Variants in C11orf65 observed in about 807,000 individuals in gnomAD.
The protein encoded by C11orf65 is protein MFI.
A neutral mutation model predicts 35.3 loss-of-function variants in C11orf65; 38 were observed. The observed-to-expected ratio is 1.08, with a 90% CI of 0.83 to 1.41. The LOEUF is 1.41. C11orf65 is among the 40% of genes most tolerant of loss of function. C11orf65 has a pLI of 0.00. For missense variants in C11orf65, 370 were observed against 367.1 expected, an observed-to-expected ratio of 1.01 and a Z score of -0.06; for synonymous variants, 105 against 114.4, an observed-to-expected ratio of 0.92 and a Z score of 0.53.
intron 2 of C11orf65, among the ~76,000 whole-genome samples, chr11:108,357,089 C>G (rs1030079549): frequency 6.6e-6 from 1 of 152,248 alleles, no homozygotes; most frequent in Non-Finnish European, 1.5e-5. Context: ...TGGGTGCACG[C>G]ACTGTGCGCG....
intron 6 of C11orf65, among the ~76,000 whole-genome samples, chr11:108,396,567 T>C (rs1441967104): frequency 3.3e-5 from 5 of 151,898 alleles, no homozygotes; most frequent in Admixed American, 6.6e-5. Context: ...TGCGGTGGCT[T>C]ATGCCTGTAA....
chr11:108,407,067 C>T (rs752271823), intron 4 of C11orf65, 29 bp downstream of exon 4: 12 of 1,594,838 alleles, frequency 7.5e-6, no homozygotes, highest in Non-Finnish European at 6.9e-6. Context: ...TGCTTTATAA[C>T]TACTAAATAA....
At chr11:108,432,309 G>A (rs2093001083) in intron 2 of C11orf65, among the ~76,000 whole-genome samples, 1 of 152,128 alleles carries the variant, frequency 6.6e-6, no homozygotes, top group Non-Finnish European at 1.5e-5. Flanking sequence ...CAGCTTTGGT[G>A]AGAAATACAT....
chr11:108,443,997 C>T (rs1042509964), intron 2 of C11orf65, among the ~76,000 whole-genome samples: 2 of 152,028 alleles, frequency 1.3e-5, no homozygotes, highest in Non-Finnish European at 2.9e-5. Flanking sequence ...AATAGAGACA[C>T]AAAAAACCCT....
At chr11:108,429,149 A>G (rs1270717174) in intron 3 of C11orf65, among the ~76,000 whole-genome samples, 1 of 152,190 alleles carries the variant, frequency 6.6e-6, no homozygotes, top group Non-Finnish European at 1.5e-5. Context: ...CCTGTCTCAA[A>G]AAAAGAAAAA....
chr11:108,365,539 G>T (rs748058019), intron 2 of C11orf65: 6 of 1,605,744 alleles, frequency 3.7e-6, no homozygotes, highest in South Asian at 1.1e-5. Context: ...CTTTCATTCA[G>T]CCTTTAGAAA....
At chr11:108,453,600 T>C (rs1443567242) in intron 2 of C11orf65, among the ~76,000 whole-genome samples, 1 of 152,242 alleles carries the variant, frequency 6.6e-6, no homozygotes, top group Non-Finnish European at 1.5e-5. Context: ...AGGGTAGCTA[T>C]AACAATATAA....
At chr11:108,315,459 AATG>A (rs1291520926) in intron 6 of C11orf65, among the ~76,000 whole-genome samples, 1 of 152,226 alleles carries the variant, frequency 6.6e-6, no homozygotes, top group African/African-American at 2.4e-5. Flanking sequence ...AATGTATACA[AATG>A]ATGGAATGTG....
chr11:108,437,520 A>G (rs908338920), intron 2 of C11orf65, among the ~76,000 whole-genome samples: 6 of 151,818 alleles, frequency 4.0e-5, no homozygotes, highest in Admixed American at 1.3e-4. Flanking sequence ...CCTGGCCAAC[A>G]TGGTGAAACC....
At chr11:108,366,029 C>CAAAAAAAA in intron 2 of C11orf65, 1 of 99,892 alleles carries the variant, frequency 1.0e-5, no homozygotes, top group Non-Finnish European at 2.0e-5. Context: ...AACTCCATCT[C>CAAAAAAAA]AAAAAAAAAA....
intron 2 of C11orf65, among the ~76,000 whole-genome samples, chr11:108,349,520 G>A (rs1338241656): frequency 2.6e-5 from 4 of 152,106 alleles, no homozygotes; most frequent in African/African-American, 7.2e-5. Context: ...AAAATTAGCC[G>A]GGCGAGGTGG....
chr11:108,330,521 A>G, downstream of C11orf65: 7 of 1,239,584 alleles, frequency 5.6e-6, no homozygotes, highest in Non-Finnish European at 8.3e-6. Context: ...TATTCCTAGC[A>G]CTTGGTCCAG....
intron 6 of C11orf65, among the ~76,000 whole-genome samples, chr11:108,309,604 G>A (rs2083973367): frequency 6.6e-6 from 1 of 152,120 alleles, no homozygotes; most frequent in African/African-American, 2.4e-5. Flanking sequence ...TACAATGCTA[G>A]TTTTGAAAAA....
At position 108,335,855 on chromosome 11, in the gene C11orf65, A is replaced by G. The variant is rs1555128280; in HGVS notation, c.227-563T>C. The G allele has an allele frequency of 6.2e-7, 1 of 1,613,578 alleles. No homozygotes were observed. The highest frequency in any genetic ancestry group is 8.5e-7 in the Non-Finnish European group (1 of 1,179,592). On this transcript the variant is annotated intron_variant, in intron 2 of 3. Transcript: ENST00000524755. ...TTAATTATTCTGAAGGGCCGTGATGACCTGAGACAAGATGCTGTCATGCAA... is the reference window on the plus strand; with the variant it reads ...TTAATTATTCTGAAGGGCCGTGATGGCCTGAGACAAGATGCTGTCATGCAA...
intron 6 of C11orf65, among the ~76,000 whole-genome samples, chr11:108,320,769 A>G (rs2085144555): frequency 6.6e-6 from 1 of 152,184 alleles, no homozygotes; most frequent in Non-Finnish European, 1.5e-5. Context: ...TCCTCCTCAC[A>G]CATTTGAAAA....
At position 108,408,721 on chromosome 11, in the gene C11orf65, A is replaced by C. The variant is rs1242923794; in HGVS notation, c.175-1572T>G. On this transcript the variant is annotated intron_variant, in intron 3 of 8. Transcript: ENST00000393084. ...AATAAAATAAAATAAAATAAAATAA[A>C]ATAAAATAAAATGATATAAGAATTG... 1.5e-3 allele frequency among the ~76,000 whole-genome samples: 200 copies of C among 130,576 alleles called. 4 individuals are homozygous for C. Among genetic ancestry groups the C allele is most frequent in the African/African-American group, 6.3e-3 (181 of 28,954 alleles). The allele number at this position is 130,576 out of a possible 152,430, so 85.7% of individuals were successfully genotyped here.
chr11:108,358,332 A>C (rs918622367), intron 2 of C11orf65, among the ~76,000 whole-genome samples: 4 of 143,376 alleles, frequency 2.8e-5, no homozygotes, highest in African/African-American at 1.0e-4. Context: ...GTGTACCTGA[A>C]AGTGATGGGG....
At chr11:108,351,059 T>A (rs1051220092) in intron 2 of C11orf65, among the ~76,000 whole-genome samples, 1 of 152,234 alleles carries the variant, frequency 6.6e-6, no homozygotes, top group Non-Finnish European at 1.5e-5. Flanking sequence ...ATATTTATAT[T>A]CTCTTTGTAT....
intron 6 of C11orf65, among the ~76,000 whole-genome samples, chr11:108,394,244 T>G (rs957967292): frequency 3.0e-4 from 45 of 147,928 alleles, no homozygotes; most frequent in African/African-American, 9.2e-4. Context: ...CTTTTAGAGA[T>G]AAAGAAACTG....
Sources: gnomAD v4.1 joint callset for allele counts (sites outside exome capture counted in the v4.1 genomes callset) on GRCh38, gnomAD v4.1.1 for gene constraint, MANE v1.5 for transcripts, NCBI Gene and HGNC (gene_info 2026-07-23, HGNC 2026-07-21) for gene names.